PPP1R9A: variants seen among roughly 807,000 people sequenced by gnomAD.
PPP1R9A encodes neurabin-1.
A neutral mutation model predicts 141.9 loss-of-function variants in PPP1R9A; 59 were observed. The observed-to-expected ratio is 0.42, with a 90% CI of 0.34 to 0.52. The LOEUF is 0.52. PPP1R9A is among the 20% of genes least tolerant of loss of function. The probability of loss-of-function intolerance (pLI) is 0.10; values close to 1 mark genes in which losing one functional copy is unlikely to be tolerated. For missense variants in PPP1R9A, 1,444 were observed against 1,611.9 expected, an observed-to-expected ratio of 0.90 and a Z score of 1.78; for synonymous variants, 500 against 569.7, an observed-to-expected ratio of 0.88 and a Z score of 1.74.
intron 12 of PPP1R9A, among the ~76,000 whole-genome samples, chr7:95,263,922 G>A (rs958339152): frequency 6.6e-6 from 1 of 152,014 alleles, no homozygotes; most frequent in African/African-American, 2.4e-5. Context: ...ATCTATTAAT[G>A]CATATATAAT....
At chr7:94,940,453 C>G (rs1459545518) in intron 2 of PPP1R9A, among the ~76,000 whole-genome samples, 1 of 151,810 alleles carries the variant, frequency 6.6e-6, no homozygotes, top group Non-Finnish European at 1.5e-5. Flanking sequence ...CCCAGTTACT[C>G]TGAGAATTCT....
chr7:95,246,789 C>CG (rs1185601545), intron 8 of PPP1R9A, among the ~76,000 whole-genome samples: 2 of 151,884 alleles, frequency 1.3e-5, no homozygotes, highest in Admixed American at 6.6e-5. Context: ...GAAAACAAAG[C>CG]GGGGGGAGGG....
chr7:95,257,820 T>C (rs1374038153), intron 12 of PPP1R9A, among the ~76,000 whole-genome samples: 1 of 152,200 alleles, frequency 6.6e-6, no homozygotes, highest in Non-Finnish European at 1.5e-5. Context: ...TCCAGCTTCA[T>C]CCATGTCCCT....
At chr7:94,965,945 T>A (rs886393423) in intron 2 of PPP1R9A, among the ~76,000 whole-genome samples, 8 of 152,184 alleles carry the variant, frequency 5.3e-5, no homozygotes, top group Non-Finnish European at 1.2e-4. Context: ...ATTCTTCCTA[T>A]CCATGAGTAT....
intron 2 of PPP1R9A, among the ~76,000 whole-genome samples, chr7:95,084,263 A>G (rs546265941): frequency 4.3e-4 from 65 of 152,166 alleles, no homozygotes; most frequent in Non-Finnish European, 7.4e-4. Flanking sequence ...TGCTATTTAC[A>G]TAAGGATGAT....
intron 2 of PPP1R9A, among the ~76,000 whole-genome samples, chr7:94,971,304 T>C (rs1020328577): frequency 2.6e-5 from 4 of 152,168 alleles, no homozygotes; most frequent in Non-Finnish European, 4.4e-5. Flanking sequence ...AGTGTATTAA[T>C]GGGCAAATGG....
intron 2 of PPP1R9A, among the ~76,000 whole-genome samples, chr7:95,021,731 T>G (rs1805996279): frequency 6.6e-6 from 1 of 152,200 alleles, no homozygotes; most frequent in Non-Finnish European, 1.5e-5. Flanking sequence ...TAGGGAATCC[T>G]TTCCCCATTG....
intron 2 of PPP1R9A, among the ~76,000 whole-genome samples, chr7:95,070,592 G>GATATATATATATATATATATATATATAT (rs1563193267): frequency 1.6e-5 from 1 of 64,414 alleles, no homozygotes; most frequent in African/African-American, 7.6e-5. Flanking sequence ...TTAAATCTCT[G>GATATATATATATATATATATATATATAT]GTATATATAT....
chr7:94,965,021 C>G (rs969933439), intron 2 of PPP1R9A, among the ~76,000 whole-genome samples: 1 of 152,210 alleles, frequency 6.6e-6, no homozygotes, highest in African/African-American at 2.4e-5. Context: ...GCCATTCTAA[C>G]TAGCATGAGA....
chr7:95,006,513 G>T (rs1803621461), intron 2 of PPP1R9A, among the ~76,000 whole-genome samples: 1 of 151,870 alleles, frequency 6.6e-6, no homozygotes, highest in Non-Finnish European at 1.5e-5. Context: ...GCCCGGCCAA[G>T]AACATTTTTA....
At chr7:95,278,199 G>T (rs910828834) in intron 16 of PPP1R9A, among the ~76,000 whole-genome samples, 1 of 152,150 alleles carries the variant, frequency 6.6e-6, no homozygotes, top group Non-Finnish European at 1.5e-5. Flanking sequence ...ACACTGCATG[G>T]CTCTGACTTC....
At chr7:95,042,769 T>G (rs1409624023) in intron 2 of PPP1R9A, among the ~76,000 whole-genome samples, 1 of 152,178 alleles carries the variant, frequency 6.6e-6, no homozygotes, top group African/African-American at 2.4e-5. Context: ...ATCATCAAGC[T>G]GACAAAATAC....
At chr7:95,087,879 A>T (rs1584623223) in intron 2 of PPP1R9A, among the ~76,000 whole-genome samples, 1 of 151,082 alleles carries the variant, frequency 6.6e-6, no homozygotes, top group East Asian at 2.0e-4. Context: ...TAGGTGACAG[A>T]GTGAGACTCC....
intron 8 of PPP1R9A, among the ~76,000 whole-genome samples, chr7:95,246,643 T>C (rs914013218): frequency 6.6e-6 from 1 of 152,146 alleles, no homozygotes. Flanking sequence ...AATGCTGACT[T>C]CCAAAAACAT....
chr7:95,202,642 A>C (rs1438907563), intron 6 of PPP1R9A: 2 of 890,690 alleles, frequency 2.2e-6, no homozygotes, highest in Non-Finnish European at 2.7e-6. Flanking sequence ...GGGTATGATA[A>C]ATTTTTCAAC....
At chr7:95,008,329 G>A (rs1355712567) in intron 2 of PPP1R9A, among the ~76,000 whole-genome samples, 3 of 151,944 alleles carry the variant, frequency 2.0e-5, no homozygotes, top group East Asian at 1.9e-4. Context: ...CCCTACAATC[G>A]GCATACAGAT....
chr7:94,987,381 T>C (rs1041897510), intron 2 of PPP1R9A, among the ~76,000 whole-genome samples: 2 of 152,186 alleles, frequency 1.3e-5, no homozygotes, highest in Non-Finnish European at 2.9e-5. Flanking sequence ...AACAGTATCT[T>C]AACTATATAG....
chr7:95,242,716 T>C (rs186326612), intron 8 of PPP1R9A, among the ~76,000 whole-genome samples: 27 of 152,270 alleles, frequency 1.8e-4, no homozygotes, highest in Admixed American at 6.5e-4. Context: ...GGCTTTCATA[T>C]TAAAGATGAC....
chr7:94,994,878 G>A lies in PPP1R9A; in HGVS notation c.1395+83370G>A, dbSNP rs906077139. 4.6e-5 allele frequency among the ~76,000 whole-genome samples: 7 copies of A among 150,926 alleles called. No homozygotes were observed. In the South Asian group the frequency reaches 6.3e-4, roughly 14 times the overall value. On this transcript the variant is annotated intron_variant, in intron 2 of 19. Transcript: ENST00000433360. ...CCACACTCTAGCCTGGTGACCAAAC[G>A]AGACTCCGTCTCAAAAAAAAAAAAC... is the stretch of plus-strand genomic sequence containing the variant.
Sources: allele counts gnomAD v4.1 joint callset (sites outside exome capture counted in the v4.1 genomes callset), GRCh38; gene constraint gnomAD v4.1.1; transcripts MANE v1.5; gene names NCBI Gene and HGNC (gene_info 2026-07-23, HGNC 2026-07-21).